The following LRRN2 variants were observed in gnomAD, a reference collection of about 807,000 sequenced individuals.
LRRN2 encodes the protein leucine rich repeat neuronal 2, also known as leucine-rich repeat neuronal protein 2.
Under a neutral mutation model 35.7 loss-of-function variants are expected in LRRN2, and 10 were observed. That is an observed-to-expected ratio of 0.28 (90% confidence interval 0.17 to 0.47). The LOEUF (loss-of-function observed/expected upper bound fraction) is 0.47, where lower values mean the gene tolerates loss of function less well. LRRN2 is among the 20% of genes least tolerant of loss of function. The probability of loss-of-function intolerance (pLI) is 0.99; values close to 1 mark genes in which losing one functional copy is unlikely to be tolerated. For missense variants in LRRN2, 731 were observed against 940.3 expected (o/e 0.78, Z 2.91); for synonymous variants, 391 against 409.6 (o/e 0.95, Z 0.55).
intron 1 of LRRN2, among the ~76,000 whole-genome samples, chr1:204,662,750 T>C (rs778076536): frequency 5.9e-5 from 9 of 152,202 alleles, no homozygotes; most frequent in Non-Finnish European, 1.2e-4. Flanking sequence ...TAAATACACA[T>C]TTGATGAGTA....
At chr1:204,679,947 A>G (rs1668910621) in intron 1 of LRRN2, among the ~76,000 whole-genome samples, 1 of 152,210 alleles carries the variant, frequency 6.6e-6, no homozygotes, top group South Asian at 2.1e-4. Flanking sequence ...TGGCTTGGGC[A>G]GGGCTGGCTT....
chr1:204,649,861 G>A (rs1048157625), intron 1 of LRRN2, among the ~76,000 whole-genome samples: 4 of 152,188 alleles, frequency 2.6e-5, no homozygotes, highest in African/African-American at 9.7e-5. Context: ...CCAGGCAGAG[G>A]CAACCTGGCG....
At chr1:204,646,159 G>A (rs1388996412) in intron 1 of LRRN2, among the ~76,000 whole-genome samples, 1 of 152,090 alleles carries the variant, frequency 6.6e-6, no homozygotes, top group Non-Finnish European at 1.5e-5. Flanking sequence ...AAGATGGGGA[G>A]GGGGGACTCC....
intron 1 of LRRN2, among the ~76,000 whole-genome samples, chr1:204,685,101 T>TC (rs976523230): frequency 1.7e-4 from 26 of 150,892 alleles, no homozygotes; most frequent in Middle Eastern, 7.0e-3. Context: ...AGTCTCCGGC[T>TC]CCCCCGCAGG....
At chr1:204,655,910 T>G (rs1276841887) in intron 1 of LRRN2, among the ~76,000 whole-genome samples, 1 of 152,118 alleles carries the variant, frequency 6.6e-6, no homozygotes, top group Non-Finnish European at 1.5e-5. Flanking sequence ...CCTTCTCTTC[T>G]TTTTTCTTTT....
Position 204,618,778 on chromosome 1 carries a change from G to T in LRRN2, c.1215C>A (p.Arg405=), listed in dbSNP as rs2102564889. Residue 405 remains arginine, a synonymous_variant, in exon 2 of 2, where the codon CGC becomes CGA. Coordinates refer to ENST00000367177, the MANE Select transcript of LRRN2 (RefSeq NM_201630.2). ...TLCAEPPDLQ[R]LPVREVPFRE... ...GGAAGGGCACCTCACGGACCGGGAGGCGCTGGAGGTCCGGAGGCTCCGCAC... is the reference window on the plus strand; with the variant it reads ...GGAAGGGCACCTCACGGACCGGGAGTCGCTGGAGGTCCGGAGGCTCCGCAC... 1 of 1,613,774 alleles carries T rather than the reference G, an allele frequency of 6.2e-7. No homozygotes were observed. The highest frequency in any genetic ancestry group is 1.1e-5 in the South Asian group (1 of 91,052).
At chr1:204,655,948 C>T (rs941074028) in intron 1 of LRRN2, among the ~76,000 whole-genome samples, 3 of 152,134 alleles carry the variant, frequency 2.0e-5, no homozygotes, top group African/African-American at 7.2e-5. Flanking sequence ...CTCGCTCTGT[C>T]GCCCAGGCTG....
At chr1:204,669,675 G>A (rs1467883025) in intron 1 of LRRN2, among the ~76,000 whole-genome samples, 2 of 152,210 alleles carry the variant, frequency 1.3e-5, no homozygotes, top group African/African-American at 4.8e-5. Flanking sequence ...GGAAGGGATG[G>A]GAAGAGTGAT....
chr1:204,679,316 G>A (rs889281733), intron 1 of LRRN2, among the ~76,000 whole-genome samples: 1 of 152,158 alleles, frequency 6.6e-6, no homozygotes, highest in Non-Finnish European at 1.5e-5. Context: ...CCCCTTCTGG[G>A]CATCACCACC....
intron 1 of LRRN2, among the ~76,000 whole-genome samples, chr1:204,624,839 A>G (rs1667218405): frequency 1.4e-5 from 2 of 146,058 alleles, no homozygotes; most frequent in South Asian, 2.2e-4. Flanking sequence ...CAGTGCCAGG[A>G]CACCCTTCTC....
intron 1 of LRRN2, among the ~76,000 whole-genome samples, chr1:204,636,840 C>CCA (rs960158606): frequency 6.6e-6 from 1 of 152,108 alleles, no homozygotes; most frequent in African/African-American, 2.4e-5. Context: ...TGAGTAGGGT[C>CCA]CACACACGGT....
intron 1 of LRRN2, among the ~76,000 whole-genome samples, chr1:204,678,923 C>T (rs1046302234): frequency 1.3e-5 from 2 of 152,202 alleles, no homozygotes; most frequent in Admixed American, 1.3e-4. Context: ...CTAAAAGCTC[C>T]TGAAGGGCAG....
chr1:204,640,883 T>C (rs1667960214), intron 1 of LRRN2, among the ~76,000 whole-genome samples: 1 of 151,884 alleles, frequency 6.6e-6, no homozygotes, highest in South Asian at 2.1e-4. Context: ...CAGTTCCACA[T>C]CATTACCGCC....
chr1:204,648,622 G>A (rs1558414198), intron 1 of LRRN2, among the ~76,000 whole-genome samples: 3 of 151,930 alleles, frequency 2.0e-5, no homozygotes, highest in African/African-American at 4.8e-5. Context: ...TTCTAGCCTC[G>A]CCCCCCCACC....
At chr1:204,680,865 T>C (rs755091812) in intron 1 of LRRN2, among the ~76,000 whole-genome samples, 42 of 152,132 alleles carry the variant, frequency 2.8e-4, no homozygotes, top group Non-Finnish European at 5.6e-4. Flanking sequence ...AGACCCACCA[T>C]CTCTGCCTGG....
At chr1:204,674,134 G>A (rs1314512013) in intron 1 of LRRN2, among the ~76,000 whole-genome samples, 1 of 152,176 alleles carries the variant, frequency 6.6e-6, no homozygotes, top group Non-Finnish European at 1.5e-5. Context: ...GGGGCCTGCA[G>A]AGAGCCAATA....
chr1:204,626,634 G>A (rs1667388853), intron 1 of LRRN2: 1 of 151,912 alleles, frequency 6.6e-6, no homozygotes, highest in African/African-American at 2.4e-5. Flanking sequence ...TAGGCCATGA[G>A]TCTGTCTTCC....
At chr1:204,672,594 A>G (rs1668737145) in intron 1 of LRRN2, among the ~76,000 whole-genome samples, 2 of 152,220 alleles carry the variant, frequency 1.3e-5, no homozygotes, top group Admixed American at 6.5e-5. Context: ...AGGAGGCTGC[A>G]TGGAGGCTGA....
chr1:204,655,101 T>C (rs1197447368), intron 1 of LRRN2, among the ~76,000 whole-genome samples: 2 of 152,228 alleles, frequency 1.3e-5, no homozygotes, highest in African/African-American at 4.8e-5. Flanking sequence ...CCCCCAGGCC[T>C]TGCCTGAAGA....
Sources: gnomAD v4.1 joint callset for allele counts (sites outside exome capture counted in the v4.1 genomes callset) on GRCh38, gnomAD v4.1.1 for gene constraint, MANE v1.5 for transcripts, NCBI Gene and HGNC (gene_info 2026-07-23, HGNC 2026-07-21) for gene names.